Variants in FAM118A observed in about 807,000 individuals in gnomAD.
The protein encoded by FAM118A is SIR2 antiphage like 2.
Under a neutral mutation model 38.2 loss-of-function variants are expected in FAM118A, and 25 were observed. The observed-to-expected ratio is 0.65, with a 90% CI of 0.48 to 0.91. FAM118A has a LOEUF of 0.91. Ranked by LOEUF, FAM118A falls within the 40% of genes least tolerant of loss-of-function variation. The probability of loss-of-function intolerance (pLI) is 0.00; values close to 1 mark genes in which losing one functional copy is unlikely to be tolerated. For missense variants in FAM118A, 425 were observed against 463.3 expected, an observed-to-expected ratio of 0.92 and a Z score of 0.76; for synonymous variants, 178 against 184.1, an observed-to-expected ratio of 0.97 and a Z score of 0.27.
Position 45,323,279 on chromosome 22 carries a change from C to A in FAM118A, c.152C>A (p.Ser51Ter). 6.2e-7 allele frequency: 1 copy of A among 1,614,178 alleles called. No homozygotes were observed. Among genetic ancestry groups the A allele is most frequent in the Non-Finnish European group, 8.5e-7 (1 of 1,180,012 alleles). ...GCCCCCGGAATCCCTGCCCTTTGCT[C>A]GTGGAGAAGCTGCATCGAGGCCGTC... is the stretch of plus-strand genomic sequence containing the variant. ...AVAPGIPALCSWRSCIEAVIE... is the reference protein window; with the variant it reads ...AVAPGIPALC The change falls in exon 3 of 9, where the codon TCG becomes TAG. Residue 51 changes from serine (S) to a stop codon, truncating the protein, a stop_gained. Transcript: ENST00000441876. LOFTEE classifies it high-confidence loss of function.
At chr22:45,318,320 T>TTGCTA (rs774695660) in intron 1 of FAM118A, 3 of 150,706 alleles carry the variant, frequency 2.0e-5, no homozygotes, top group Non-Finnish European at 3.0e-5. Context: ...AAAAGAAGGG[T>TTGCTA]TGCTATGATG....
chr22:45,321,509 C>A (rs2084877026), intron 1 of FAM118A: 1 of 152,064 alleles, frequency 6.6e-6, no homozygotes, highest in African/African-American at 2.4e-5. Context: ...CTCAACCTCC[C>A]AGGCTCAGGC....
At chr22:45,323,135 G>T in intron 2 of FAM118A, 40 bp from the exon 3 acceptor site, 4 of 1,599,126 alleles carry the variant, frequency 2.5e-6, no homozygotes, top group Non-Finnish European at 3.4e-6. Context: ...CAATGTTTCC[G>T]CTTTGACTTT....
intron 6 of FAM118A, among the ~76,000 whole-genome samples, chr22:45,334,047 C>T (rs2085914842): frequency 6.6e-6 from 1 of 152,166 alleles, no homozygotes; most frequent in Non-Finnish European, 1.5e-5. Context: ...TTCACAAGCA[C>T]AAAATGATTT....
intron 6 of FAM118A, among the ~76,000 whole-genome samples, chr22:45,334,641 A>G (rs1229837720): frequency 1.3e-5 from 2 of 152,198 alleles, no homozygotes; most frequent in Non-Finnish European, 2.9e-5. Flanking sequence ...CAGTGCTAGT[A>G]AGTAGATGAT....
intron 1 of FAM118A, among the ~76,000 whole-genome samples, chr22:45,312,172 A>G (rs2084398518): frequency 6.6e-6 from 1 of 152,190 alleles, no homozygotes; most frequent in African/African-American, 2.4e-5. Flanking sequence ...CCTGCCACCA[A>G]GCGGGCAGTC....
At chr22:45,327,732 T>G in intron 3 of FAM118A, 110 bp from the exon 4 acceptor site, 1 of 1,117,670 alleles carries the variant, frequency 8.9e-7, no homozygotes, top group Non-Finnish European at 1.3e-6. Flanking sequence ...AAGCCAGATT[T>G]TCTTTGTTTT....
intron 6 of FAM118A, 48 bp downstream of exon 6, chr22:45,332,758 T>C: frequency 6.6e-7 from 1 of 1,522,356 alleles, no homozygotes; most frequent in Non-Finnish European, 8.8e-7. Context: ...TTTCTTTTTT[T>C]TTTTTGAGAC....
intron 8 of FAM118A, among the ~76,000 whole-genome samples, chr22:45,336,620 G>A (rs1256366403): frequency 3.3e-5 from 5 of 152,164 alleles, no homozygotes; most frequent in African/African-American, 1.2e-4. Flanking sequence ...AGAGCTACTG[G>A]TACCTCTTTA....
rs11556482 is a variant in FAM118A, at chr22:45,327,926, G to C, written c.385G>C (p.Val129Leu). Reference protein sequence around the residue: ...DDLEQHIRSPVVLQSILSLMD... With the variant: ...DDLEQHIRSPLVLQSILSLMD... ...CCTGGAGCAGCACATCCGGAGTCCT[G>C]TGGTGCTGCAGTCGATCCTCAGCCT... The change falls in exon 4 of 9, where the codon GTG becomes CTG. Residue 129 changes from valine (V) to leucine (L), a missense_variant. Coordinates refer to ENST00000441876, the MANE Select transcript of FAM118A (RefSeq NM_017911.4). 510,189 of 1,588,784 alleles carry C rather than the reference G, an allele frequency of 0.32. 96,575 individuals are homozygous for C. The highest frequency in any genetic ancestry group is 0.78 in the African/African-American group (57,367 of 73,862).
chr22:45,319,218 T>A (rs184595133), intron 1 of FAM118A, among the ~76,000 whole-genome samples: 54 of 152,334 alleles, frequency 3.5e-4, no homozygotes, highest in Middle Eastern at 3.4e-3. Context: ...GGCATGTGGT[T>A]TTTTTACGTC....
At chr22:45,325,899 G>C (rs1024057682) in intron 3 of FAM118A, among the ~76,000 whole-genome samples, 1 of 152,118 alleles carries the variant, frequency 6.6e-6, no homozygotes, top group East Asian at 1.9e-4. Context: ...GTCTCAGGTC[G>C]GGGAGAAGGT....
intron 4 of FAM118A, chr22:45,329,563 C>G (rs940330132): frequency 6.6e-6 from 1 of 152,278 alleles, no homozygotes; most frequent in Non-Finnish European, 1.5e-5. Flanking sequence ...ACACTGCTGC[C>G]TGTGTTGTCT....
intron 6 of FAM118A, among the ~76,000 whole-genome samples, chr22:45,334,673 G>A (rs565647323): frequency 6.6e-6 from 1 of 152,318 alleles, no homozygotes; most frequent in Admixed American, 6.5e-5. Context: ...GATGAGCTGA[G>A]CTGGCACAGG....
At chr22:45,319,036 G>A (rs2146607774) in intron 1 of FAM118A, 1 of 152,314 alleles carries the variant, frequency 6.6e-6, no homozygotes, top group Non-Finnish European at 1.5e-5. Flanking sequence ...GTTAAATATA[G>A]CCTGCAAAAG....
At position 45,331,248 on chromosome 22, in the gene FAM118A, C is replaced by T. The variant is rs553876683; in HGVS notation, c.651+517C>T. On this transcript the variant is annotated intron_variant, in intron 5 of 8. Transcript: ENST00000441876. ...CCAAGGCAGGAGGATTGCTTGAGTC[C>T]AGGAGGGAGAGGCTATGGTGAACTG... Among the ~76,000 whole-genome samples the T allele has an allele frequency of 7.9e-4, 121 of 152,246 alleles. 2 individuals are homozygous for T. Among genetic ancestry groups the T allele is most frequent in the Admixed American group, 2.7e-3 (41 of 15,284 alleles).
chr22:45,317,304 G>A (rs62231135), intron 1 of FAM118A, among the ~76,000 whole-genome samples: 6,062 of 152,224 alleles, frequency 0.04, 174 homozygotes, highest in Non-Finnish European at 0.06. Flanking sequence ...GCTTGAACCC[G>A]GGAGGCGGAG....
chr22:45,330,074 C>G (rs1275809861), intron 4 of FAM118A: 1 of 152,182 alleles, frequency 6.6e-6, no homozygotes, highest in Non-Finnish European at 1.5e-5. Context: ...ACAGAAATAG[C>G]AGTAATTAAA....
chr22:45,320,523 A>T (rs1161214628), intron 1 of FAM118A, among the ~76,000 whole-genome samples: 1 of 151,702 alleles, frequency 6.6e-6, no homozygotes, highest in Non-Finnish European at 1.5e-5. Context: ...TGCAGCCTCA[A>T]CCTCCTGGGC....
Sources: allele counts gnomAD v4.1 joint callset (sites outside exome capture counted in the v4.1 genomes callset), GRCh38; gene constraint gnomAD v4.1.1; transcripts MANE v1.5; gene names NCBI Gene and HGNC (gene_info 2026-07-23, HGNC 2026-07-21).